ANAPC10: variants seen among roughly 807,000 people sequenced by gnomAD.
ANAPC10 encodes anaphase-promoting complex subunit 10.
Under a neutral mutation model 22.0 loss-of-function variants are expected in ANAPC10, and 12 were observed. The ratio of observed to expected loss-of-function variants is 0.55; its 90% CI spans 0.35 to 0.88. The LOEUF (loss-of-function observed/expected upper bound fraction) is 0.88. ANAPC10 is among the 40% of genes least tolerant of loss of function. The pLI, the probability that ANAPC10 is intolerant of heterozygous loss-of-function variation, is 0.01. For synonymous variants in ANAPC10, 65 were observed against 69.5 expected, an observed-to-expected ratio of 0.94 and a Z score of 0.32; for missense variants, 188 against 220.9, an observed-to-expected ratio of 0.85 and a Z score of 0.94.
intron 4 of ANAPC10, among the ~76,000 whole-genome samples, chr4:145,007,329 G>A (rs1266752541): frequency 1.3e-5 from 2 of 152,136 alleles, no homozygotes; most frequent in Non-Finnish European, 2.9e-5. Context: ...CAGATGAACA[G>A]AATATACATT....
intron 4 of ANAPC10, among the ~76,000 whole-genome samples, chr4:145,037,767 C>T (rs948068585): frequency 2.0e-5 from 3 of 151,844 alleles, no homozygotes; most frequent in African/African-American, 7.3e-5. Context: ...GCCAATATGG[C>T]AAAACCCTGT....
intron 2 of ANAPC10, among the ~76,000 whole-genome samples, chr4:145,095,626 T>C (rs371052387): frequency 3.9e-5 from 6 of 152,158 alleles, no homozygotes; most frequent in African/African-American, 1.4e-4. Flanking sequence ...TCTCATCACA[T>C]AGACATTTTA....
intron 4 of ANAPC10, among the ~76,000 whole-genome samples, chr4:145,063,801 C>T (rs1743257181): frequency 6.6e-6 from 1 of 152,036 alleles, no homozygotes; most frequent in South Asian, 2.1e-4. Flanking sequence ...GAAGCAGTGA[C>T]ACATTCAACT....
intron 3 of ANAPC10, among the ~76,000 whole-genome samples, chr4:145,070,183 C>T (rs1050240190): frequency 6.6e-6 from 1 of 152,046 alleles, no homozygotes; most frequent in South Asian, 2.1e-4. Context: ...AAATGTGGAC[C>T]GCCACCTATT....
At chr4:145,083,029 C>T (rs1009528880) in intron 2 of ANAPC10, among the ~76,000 whole-genome samples, 1 of 152,054 alleles carries the variant, frequency 6.6e-6, no homozygotes, top group African/African-American at 2.4e-5. Context: ...CTTTCTATTC[C>T]CTTTTCTTTA....
At chr4:145,068,549 T>C (rs536459802) in intron 3 of ANAPC10, among the ~76,000 whole-genome samples, 1 of 152,346 alleles carries the variant, frequency 6.6e-6, no homozygotes, top group African/African-American at 2.4e-5. Flanking sequence ...ACAGTCCACA[T>C]AGTTGTTTAA....
chr4:145,070,442 G>C (rs1744329540), intron 3 of ANAPC10, among the ~76,000 whole-genome samples: 1 of 152,116 alleles, frequency 6.6e-6, no homozygotes, highest in African/African-American at 2.4e-5. Flanking sequence ...CAAAACATTA[G>C]GGAAATGAAA....
At chr4:145,089,897 T>C (rs929431932) in intron 2 of ANAPC10, among the ~76,000 whole-genome samples, 3 of 152,188 alleles carry the variant, frequency 2.0e-5, no homozygotes, top group African/African-American at 7.2e-5. Context: ...GAACAAACAC[T>C]GATTGTTTTA....
chr4:145,014,115 C>T (rs1734751518), intron 4 of ANAPC10, among the ~76,000 whole-genome samples: 1 of 152,078 alleles, frequency 6.6e-6, no homozygotes, highest in Admixed American at 6.5e-5. Flanking sequence ...AATCCAGCAT[C>T]CAGTGTGCAG....
intron 4 of ANAPC10, among the ~76,000 whole-genome samples, chr4:145,062,207 C>A (rs1040452305): frequency 3.3e-5 from 5 of 152,108 alleles, no homozygotes; most frequent in African/African-American, 1.2e-4. Flanking sequence ...CATCAACCAG[C>A]ATGGCCTGTC....
intron 3 of ANAPC10, among the ~76,000 whole-genome samples, chr4:145,077,688 C>A (rs1745388696): frequency 6.6e-6 from 1 of 152,122 alleles, no homozygotes; most frequent in Non-Finnish European, 1.5e-5. Context: ...ATCAAGCAGG[C>A]TTTATTCCTC....
At chr4:145,028,495 T>G (rs932951416) in intron 4 of ANAPC10, among the ~76,000 whole-genome samples, 1 of 152,132 alleles carries the variant, frequency 6.6e-6, no homozygotes, top group Non-Finnish European at 1.5e-5. Context: ...TCCCATTAGC[T>G]CTTTCCCTCA....
chr4:145,016,957 C>T (rs911450522), intron 4 of ANAPC10, among the ~76,000 whole-genome samples: 62 of 152,186 alleles, frequency 4.1e-4, no homozygotes, highest in African/African-American at 1.4e-3. Context: ...TTACACCTTA[C>T]ACAAAAATTA....
intron 4 of ANAPC10, among the ~76,000 whole-genome samples, chr4:145,056,813 T>A (rs1742136851): frequency 6.6e-6 from 1 of 152,218 alleles, no homozygotes; most frequent in Non-Finnish European, 1.5e-5. Context: ...GGATTGATAA[T>A]CTGCATTTCT....
chr4:145,052,937 T>A (rs796860913), intron 4 of ANAPC10, among the ~76,000 whole-genome samples: 1 of 152,140 alleles, frequency 6.6e-6, no homozygotes, highest in South Asian at 2.1e-4. Context: ...TCACATTTCT[T>A]TAGCAGCATA....
intron 4 of ANAPC10, among the ~76,000 whole-genome samples, chr4:145,060,447 AAAG>A (rs1004525837): frequency 2.6e-5 from 4 of 152,074 alleles, no homozygotes; most frequent in Non-Finnish European, 5.9e-5. Flanking sequence ...TAGGATAGAA[AAAG>A]AATAATTTAT....
intron 3 of ANAPC10, among the ~76,000 whole-genome samples, chr4:145,066,961 G>A (rs1205105110): frequency 2.0e-5 from 3 of 152,104 alleles, no homozygotes; most frequent in South Asian, 4.1e-4. Context: ...ATAGGTAGGT[G>A]TCTGTAGTTT....
chr4:145,035,522 C>T (rs1304433622), intron 4 of ANAPC10: 1 of 152,272 alleles, frequency 6.6e-6, no homozygotes, highest in African/African-American at 2.4e-5. Context: ...CCCTCATTCC[C>T]TTAGATCTTC....
intron 1 of ANAPC10, among the ~76,000 whole-genome samples, chr4:145,096,649 C>T (rs1748569984): frequency 6.6e-6 from 1 of 152,112 alleles, no homozygotes; most frequent in African/African-American, 2.4e-5. Flanking sequence ...ACTTTTAGCC[C>T]TAGAAAAGTC....
Sources: gnomAD v4.1 joint callset for allele counts (sites outside exome capture counted in the v4.1 genomes callset) on GRCh38, gnomAD v4.1.1 for gene constraint, MANE v1.5 for transcripts, NCBI Gene and HGNC (gene_info 2026-07-23, HGNC 2026-07-21) for gene names.